Variants in CSE1L observed in about 807,000 individuals in gnomAD.
CSE1L encodes the protein chromosome segregation 1 like.
In CSE1L, 24 loss-of-function variants were observed where a neutral mutation model predicts 120.4. That is an observed-to-expected ratio of 0.20 (90% CI 0.14 to 0.28). CSE1L has a LOEUF of 0.28. Among genes scored for constraint, CSE1L ranks in the 10% least tolerant of loss-of-function variants. CSE1L has a pLI of 1.00. For missense variants in CSE1L, 830 were observed against 1,145.2 expected (o/e 0.72, Z 3.97); for synonymous variants, 402 against 398.3 (o/e 1.01, Z -0.11).
intron 1 of CSE1L, among the ~76,000 whole-genome samples, chr20:49,052,967 A>G (rs781202051): frequency 6.6e-6 from 1 of 152,182 alleles, no homozygotes; most frequent in Non-Finnish European, 1.5e-5. Flanking sequence ...CTAGAGAAAC[A>G]TAATGAAGAA....
intron 1 of CSE1L, among the ~76,000 whole-genome samples, chr20:49,047,587 TTTTTTGA>T (rs2091728749): frequency 9.7e-6 from 1 of 103,412 alleles, no homozygotes; most frequent in African/African-American, 3.7e-5. Flanking sequence ...TTTTTTTTTT[TTTTTTGA>T]GAGAGAGAGT....
intron 24 of CSE1L, among the ~76,000 whole-genome samples, chr20:49,095,410 A>G (rs772102947): frequency 2.0e-5 from 3 of 151,966 alleles, no homozygotes; most frequent in African/African-American, 7.3e-5. Flanking sequence ...CTGCAGCCTC[A>G]ACCTCCCAGG....
intron 1 of CSE1L, among the ~76,000 whole-genome samples, chr20:49,054,256 A>G (rs2091790047): frequency 6.6e-6 from 1 of 152,232 alleles, no homozygotes; most frequent in Non-Finnish European, 1.5e-5. Context: ...GAAGGACTGC[A>G]GCATGTAGAA....
chr20:49,084,188 T>A (rs916030309), intron 15 of CSE1L, 26 bp downstream of exon 15: 1 of 1,612,020 alleles, frequency 6.2e-7, no homozygotes, highest in Non-Finnish European at 8.5e-7. Flanking sequence ...TAAAGTTTTT[T>A]AGCCTGGGGT....
At position 49,066,346 on chromosome 20, in the gene CSE1L, TAATC is replaced by T. The variant is rs775732416; in HGVS notation, c.331-18_331-15del. 15 of 1,614,022 alleles carry T rather than the reference TAATC, an allele frequency of 9.3e-6. No homozygotes were observed. Among genetic ancestry groups the T allele is most frequent in the Admixed American group, 1.7e-5 (1 of 59,980 alleles). On this transcript the variant is annotated splice_polypyrimidine_tract_variant and intron_variant, in intron 4 of 24. Coordinates refer to ENST00000262982, the MANE Select transcript of CSE1L (RefSeq NM_001316.4). ...CTCCTCTGTAAAGCTCTGATCTAAT[TAATC>T]TTTTCCTCTCCTAGTTAAGTGATGC...
chr20:49,047,783 C>T (rs1405967988), intron 1 of CSE1L, among the ~76,000 whole-genome samples: 2 of 151,942 alleles, frequency 1.3e-5, no homozygotes, highest in African/African-American at 2.4e-5. Flanking sequence ...CGGGGTTTCA[C>T]CATGTTGATC....
chr20:49,094,284 GTGGTAAGTA>G lies in CSE1L; in HGVS notation c.2593_2594+7del. On this transcript the variant is annotated splice_donor_variant and splice_donor_5th_base_variant and coding_sequence_variant and intron_variant, in exon 23 of 25. Coordinates refer to ENST00000262982, the MANE Select transcript of CSE1L (RefSeq NM_001316.4). LOFTEE classifies it high-confidence loss of function. The stretch of plus-strand genomic sequence containing the variant: ...TGATGGACACTGAGTATACCAAACT[GTGGTAAGTA>G]CTTCATTTTAATATTTTTGTAAGTT... 1 of 1,604,654 alleles carries G rather than the reference GTGGTAAGTA, an allele frequency of 6.2e-7. No homozygotes were observed. Among genetic ancestry groups the G allele is most frequent in the Non-Finnish European group, 8.5e-7 (1 of 1,177,760 alleles).
chr20:49,096,552 A>G lies in CSE1L; in HGVS notation c.*114A>G, dbSNP rs1246300984. ...TCCTTTTGAACTTGTCACGAATTCCATCTTGTAAAGGATATTAAATGTTGC... is the reference window on the plus strand; with the variant it reads ...TCCTTTTGAACTTGTCACGAATTCCGTCTTGTAAAGGATATTAAATGTTGC... On this transcript the variant is annotated 3_prime_UTR_variant, in exon 25 of 25. Coordinates refer to ENST00000262982, the MANE Select transcript of CSE1L (RefSeq NM_001316.4). The G allele has an allele frequency of 1.3e-6, 1 of 783,392 alleles. No individual in the cohort carries two copies. The highest frequency in any genetic ancestry group is 1.7e-5 in the African/African-American group (1 of 57,898). 48.5% of individuals were successfully genotyped at this position (783,392 alleles called of 1,614,324 possible). A position where few individuals can be genotyped will look rare whatever the true frequency, so the allele number is the denominator to read the frequency against.
At chr20:49,065,934 G>A (rs1375964835) in intron 3 of CSE1L, among the ~76,000 whole-genome samples, 2 of 152,144 alleles carry the variant, frequency 1.3e-5, no homozygotes, top group African/African-American at 2.4e-5. Flanking sequence ...AGTAAGGGAA[G>A]TTCACTAATT....
chr20:49,078,438 A>G (rs1424060862), intron 13 of CSE1L, 123 bp from the exon 14 acceptor site: 6 of 646,210 alleles, frequency 9.3e-6, no homozygotes, highest in Non-Finnish European at 1.6e-5. Flanking sequence ...AAATCATAAT[A>G]TAATTAACTG....
At chr20:49,057,577 C>T (rs1288702340) in intron 1 of CSE1L, among the ~76,000 whole-genome samples, 1 of 151,696 alleles carries the variant, frequency 6.6e-6, no homozygotes, top group African/African-American at 2.4e-5. Flanking sequence ...CTCAGCCTTC[C>T]GAGTAGCTGG....
chr20:49,084,445 A>C (rs2426125), intron 15 of CSE1L, among the ~76,000 whole-genome samples: 2 of 151,968 alleles, frequency 1.3e-5, no homozygotes, highest in Non-Finnish European at 2.9e-5. Flanking sequence ...AGAAACTCCA[A>C]ATTTTATTTG....
intron 8 of CSE1L, among the ~76,000 whole-genome samples, chr20:49,070,734 C>A (rs1299215335): frequency 1.3e-5 from 2 of 152,120 alleles, no homozygotes; most frequent in Non-Finnish European, 2.9e-5. Context: ...GAGTTCAAGA[C>A]CAGCCTTGGC....
intron 1 of CSE1L, among the ~76,000 whole-genome samples, chr20:49,051,946 T>C (rs1458164765): frequency 6.6e-6 from 1 of 152,206 alleles, no homozygotes; most frequent in Non-Finnish European, 1.5e-5. Flanking sequence ...TCCTTCCGCC[T>C]CGGCCTTCCA....
At position 49,094,722 on chromosome 20, in the gene CSE1L, T is replaced by C; in HGVS notation, c.2595-10T>C. ...TTGACCTTTTTATCTCTTGCTTTCT[T>C]CCAATCCAGGACTCCATTATTACAG... On this transcript the variant is annotated splice_polypyrimidine_tract_variant and intron_variant, in intron 23 of 24. Coordinates refer to ENST00000262982, the MANE Select transcript of CSE1L (RefSeq NM_001316.4). 6.3e-7 allele frequency: 1 copy of C among 1,586,994 alleles called. No individual in the cohort carries two copies. The highest frequency in any genetic ancestry group is 8.7e-7 in the Non-Finnish European group (1 of 1,155,854).
chr20:49,068,767 T>C lies in CSE1L; in HGVS notation c.620T>C (p.Ile207Thr). 6.2e-7 allele frequency: 1 copy of C among 1,614,048 alleles called. No homozygotes were observed. The highest frequency in any genetic ancestry group is 8.5e-7 in the Non-Finnish European group (1 of 1,179,898). The part of the protein sequence containing the change: ...THANDASALR[I>T]LFSSLILISK... ...GCAAATGATGCCTCTGCCCTGAGGATTCTGTTTTCTTCCCTGATCCTGATC... is the reference window on the plus strand; with the variant it reads ...GCAAATGATGCCTCTGCCCTGAGGACTCTGTTTTCTTCCCTGATCCTGATC... The change falls in exon 7 of 25, where the codon ATT (isoleucine) becomes ACT (threonine). Residue 207 changes from isoleucine to threonine, a missense_variant. Physicochemically the swap from Ile to Thr is moderately conservative, Grantham distance 89. Transcript: ENST00000262982.
intron 3 of CSE1L, 32 bp downstream of exon 3, chr20:49,063,376 C>T (rs980534430): frequency 1.5e-6 from 2 of 1,348,836 alleles, no homozygotes; most frequent in African/African-American, 1.5e-5. Flanking sequence ...AATTTAATAC[C>T]CTGTATGTTT....
chr20:49,092,090 C>T lies in CSE1L; in HGVS notation c.2410C>T (p.Leu804=). The change falls in exon 22 of 25, where the codon CTA becomes TTA. Residue 804 remains leucine (L), a synonymous_variant. Transcript: ENST00000262982. ...INLYCIKYGA[L]ALQEIFDGIQ... is the part of the protein sequence containing the mutation. Reference sequence around the variant, plus strand: ...TTTGTATTGCATAAAATATGGGGCACTAGCACTACAAGAAATATTTGATGG... The same window carrying T: ...TTTGTATTGCATAAAATATGGGGCATTAGCACTACAAGAAATATTTGATGG... The T allele has an allele frequency of 1.3e-6, 2 of 1,576,862 alleles. No individual in the cohort carries two copies. Among genetic ancestry groups the T allele is most frequent in the Non-Finnish European group, 1.7e-6 (2 of 1,154,018 alleles).
Position 49,072,662 on chromosome 20 carries a change from G to C in CSE1L, c.1031G>C (p.Cys344Ser). ...FEDQNTLTSI[C>S]EKVIVPNMEF... ...GACCAGAACACGCTGACAAGTATCT[G>C]TGAAAAGGTTATTGTGCCTAACATG... is the stretch of plus-strand genomic sequence containing the variant. The change falls in exon 10 of 25, where the codon TGT (cysteine) becomes TCT (serine). Residue 344 changes from cysteine (C) to serine (S), a missense_variant. Physicochemically the swap from Cys to Ser is moderately radical, Grantham distance 112. Around this residue, in one of 4 missense-constraint regions of CSE1L, gnomAD observed 543 missense variants for 640.2 expected, o/e 0.85. Coordinates refer to ENST00000262982, the MANE Select transcript of CSE1L (RefSeq NM_001316.4). 1 of 1,613,532 alleles carries C rather than the reference G, an allele frequency of 6.2e-7. No homozygotes were observed. Among genetic ancestry groups the C allele is most frequent in the South Asian group, 1.1e-5 (1 of 90,838 alleles).
Sources: allele counts gnomAD v4.1 joint callset (sites outside exome capture counted in the v4.1 genomes callset), GRCh38; gene constraint gnomAD v4.1.1; regional missense constraint gnomAD v4.1.1; transcripts MANE v1.5; gene names NCBI Gene and HGNC (gene_info 2026-07-23, HGNC 2026-07-21).